Variants in GRB2 observed in about 807,000 individuals in gnomAD.
GRB2 encodes the protein growth factor receptor-bound protein 2.
GRB2 carries 2 observed loss-of-function variants against 27.4 expected under a neutral mutation model. The ratio of observed to expected loss-of-function variants is 0.07; its 90% CI spans 0.03 to 0.23. The LOEUF (loss-of-function observed/expected upper bound fraction) is 0.23. Among genes scored for constraint, GRB2 ranks in the 10% least tolerant of loss-of-function variants. The pLI is 1.00. For missense variants in GRB2, 102 were observed against 282.4 expected, an observed-to-expected ratio of 0.36 and a Z score of 4.58; for synonymous variants, 94 against 99.6, an observed-to-expected ratio of 0.94 and a Z score of 0.33.
At chr17:75,328,636 C>T (rs1415903400) in intron 3 of GRB2, among the ~76,000 whole-genome samples, 1 of 144,032 alleles carries the variant, frequency 6.9e-6, no homozygotes, top group Non-Finnish European at 1.5e-5. Flanking sequence ...GAGTGAAACT[C>T]CATCTCAAAA....
intron 2 of GRB2, among the ~76,000 whole-genome samples, chr17:75,349,514 T>TTC: frequency 6.7e-6 from 1 of 148,432 alleles, no homozygotes; most frequent in South Asian, 2.2e-4. Flanking sequence ...CAGACTTTTT[T>TTC]TTTTTTTTTT....
intron 2 of GRB2, among the ~76,000 whole-genome samples, chr17:75,354,093 G>C (rs1490261627): frequency 6.6e-6 from 1 of 151,968 alleles, no homozygotes; most frequent in African/African-American, 2.4e-5. Flanking sequence ...TTGAGTCCTT[G>C]CATGTCTGGA....
Position 75,326,027 on chromosome 17 carries a change from A to T in GRB2, c.177-7T>A, listed in dbSNP as rs1349673135. ...GATTTTGCCAAAAAACCACCTAAGG[A>T]AGGAAGGCAAGCTGGTCAACATCTG... On this transcript the variant is annotated splice_region_variant and splice_polypyrimidine_tract_variant and intron_variant, in intron 3 of 5. Transcript: ENST00000316804. 2 of 1,613,970 alleles carry T rather than the reference A, an allele frequency of 1.2e-6. No homozygotes were observed. The highest frequency in any genetic ancestry group is 2.7e-5 in the African/African-American group (2 of 74,926).
At chr17:75,353,547 G>C (rs1190684573) in intron 2 of GRB2, among the ~76,000 whole-genome samples, 1 of 152,076 alleles carries the variant, frequency 6.6e-6, no homozygotes, top group African/African-American at 2.4e-5. Flanking sequence ...CAGATCATGA[G>C]GTCAGGGGTT....
chr17:75,369,883 G>A (rs1249670961), intron 2 of GRB2, among the ~76,000 whole-genome samples: 1 of 151,592 alleles, frequency 6.6e-6, no homozygotes, highest in East Asian at 1.9e-4. Flanking sequence ...TTTGACTATG[G>A]CTGATGGTAT....
chr17:75,353,738 C>G (rs1162197421), intron 2 of GRB2, among the ~76,000 whole-genome samples: 4 of 146,514 alleles, frequency 2.7e-5, no homozygotes, highest in Non-Finnish European at 6.0e-5. Flanking sequence ...CCAGCCTGGG[C>G]AACAACAAAA....
chr17:75,352,030 C>A lies in GRB2; in HGVS notation c.79-19233G>T, dbSNP rs912178646. 1.3e-4 allele frequency among the ~76,000 whole-genome samples: 20 copies of A among 152,220 alleles called. 2 individuals are homozygous for A. Among genetic ancestry groups the A allele is most frequent in the Admixed American group, 1.0e-3 (16 of 15,270 alleles). On this transcript the variant is annotated intron_variant, in intron 2 of 5. Transcript: ENST00000316804. ...GATATAAAAACCTTTTCCTAAGCATCTCTAATGGAATCGGAGACAAATATA... is the reference window on the plus strand; with the variant it reads ...GATATAAAAACCTTTTCCTAAGCATATCTAATGGAATCGGAGACAAATATA...
At chr17:75,331,071 T>G (rs2145825058) in intron 3 of GRB2, among the ~76,000 whole-genome samples, 1 of 152,248 alleles carries the variant, frequency 6.6e-6, no homozygotes, top group East Asian at 1.9e-4. Context: ...GAAGGCCTGG[T>G]ACTGACCCTG....
intron 2 of GRB2, among the ~76,000 whole-genome samples, chr17:75,337,996 T>C (rs2078592880): frequency 6.6e-6 from 1 of 150,416 alleles, no homozygotes; most frequent in South Asian, 2.1e-4. Context: ...AGTGGCACAA[T>C]CTCGGCTCAC....
intron 5 of GRB2, 49 bp downstream of exon 5, chr17:75,321,610 G>A (rs781601976): frequency 1.3e-5 from 20 of 1,557,850 alleles, no homozygotes; most frequent in East Asian, 2.2e-5. Flanking sequence ...GCACACTGAG[G>A]AGCTATTCTT....
chr17:75,323,336 A>G (rs1053409468), intron 4 of GRB2, among the ~76,000 whole-genome samples: 1 of 152,134 alleles, frequency 6.6e-6, no homozygotes, highest in Non-Finnish European at 1.5e-5. Context: ...AAAATGTGGA[A>G]GGTGAGAAAG....
chr17:75,320,235 A>T lies in GRB2; in HGVS notation c.*133T>A, dbSNP rs1334745943. The T allele has an allele frequency of 7.1e-6, 5 of 699,480 alleles. No homozygotes were observed. The highest frequency in any genetic ancestry group is 1.2e-5 in the Non-Finnish European group (5 of 412,578). The allele number at this position is 699,480 out of a possible 1,614,324, so 43.3% of individuals were successfully genotyped here. A position where few individuals can be genotyped will look rare whatever the true frequency, so the allele number is the denominator to read the frequency against. ...ACCCCCTAAAGTTCCAACCAAAGTG[A>T]GAGGGTCACAGGGTGACCCGGCCAG... is the stretch of plus-strand genomic sequence containing the variant. On this transcript the variant is annotated 3_prime_UTR_variant, in exon 6 of 6. Coordinates refer to ENST00000316804, the MANE Select transcript of GRB2 (RefSeq NM_002086.5). The surrounding 1 kb of genome is among the most constrained non-coding windows in gnomAD (Gnocchi z 4.3).
chr17:75,395,892 G>C (rs1305167860), intron 1 of GRB2, among the ~76,000 whole-genome samples: 2 of 151,240 alleles, frequency 1.3e-5, no homozygotes, highest in Non-Finnish European at 2.9e-5. Context: ...GCCCAGGCTA[G>C]AGTGCAGTGG....
At chr17:75,328,944 T>TAAATAAAA (rs1403752819) in intron 3 of GRB2, among the ~76,000 whole-genome samples, 1 of 119,238 alleles carries the variant, frequency 8.4e-6, no homozygotes, top group Non-Finnish European at 1.8e-5. Flanking sequence ...TTTCAAAAAA[T>TAAATAAAA]AAATAAATAA....
intron 2 of GRB2, among the ~76,000 whole-genome samples, chr17:75,335,135 T>C (rs2078568444): frequency 6.6e-6 from 1 of 152,160 alleles, no homozygotes; most frequent in Admixed American, 6.6e-5. Context: ...GGATTGCAAC[T>C]GGCCGCAGGT....
chr17:75,391,708 T>C (rs1014617141), intron 2 of GRB2, among the ~76,000 whole-genome samples: 2 of 149,764 alleles, frequency 1.3e-5, no homozygotes, highest in Non-Finnish European at 2.9e-5. Context: ...CTCGGGAGGC[T>C]GAGGCAGGAG....
intron 2 of GRB2, among the ~76,000 whole-genome samples, chr17:75,390,024 T>C (rs2078988780): frequency 6.6e-6 from 1 of 152,192 alleles, no homozygotes; most frequent in Non-Finnish European, 1.5e-5. Flanking sequence ...CAAAGCAACT[T>C]ATCCCAGTAT....
chr17:75,395,089 CA>C (rs1411902755), intron 1 of GRB2: 6 of 152,184 alleles, frequency 3.9e-5, no homozygotes, highest in African/African-American at 1.4e-4. Context: ...TTGAGGGGCA[CA>C]AGTGATTATT....
chr17:75,347,951 AC>A (rs1270309417), intron 2 of GRB2, among the ~76,000 whole-genome samples: 1 of 152,210 alleles, frequency 6.6e-6, no homozygotes, highest in African/African-American at 2.4e-5. Flanking sequence ...ATATAAAGTG[AC>A]ATTTGTTATG....
Sources: allele counts gnomAD v4.1 joint callset (sites outside exome capture counted in the v4.1 genomes callset), GRCh38; gene constraint gnomAD v4.1.1; non-coding constraint Gnocchi (gnomAD v3.1); transcripts MANE v1.5; gene names NCBI Gene and HGNC (gene_info 2026-07-23, HGNC 2026-07-21).